The following NFKB1 variants were observed in gnomAD, a reference collection of about 807,000 sequenced individuals.
NFKB1 encodes nuclear factor NF-kappa-B p105 subunit.
Under a neutral mutation model 105.1 loss-of-function variants are expected in NFKB1, and 9 were observed. The ratio of observed to expected loss-of-function variants is 0.09; its 90% CI spans 0.05 to 0.15. The LOEUF is 0.15. Ranked by LOEUF, NFKB1 falls within the 10% of genes least tolerant of loss-of-function variation. The pLI is 1.00. For missense variants in NFKB1, 830 were observed against 1,203.7 expected, an observed-to-expected ratio of 0.69 and a Z score of 4.59; for synonymous variants, 440 against 442.2, an observed-to-expected ratio of 1.00 and a Z score of 0.06.
intron 7 of NFKB1, among the ~76,000 whole-genome samples, chr4:102,577,457 A>G (rs57248236): frequency 0.018 from 2,677 of 152,024 alleles, 39 homozygotes; most frequent in African/African-American, 0.044. Context: ...TCCCCAACTC[A>G]CCTTATTATA....
chr4:102,565,378 C>T (rs953144162), intron 5 of NFKB1, among the ~76,000 whole-genome samples: 10 of 152,176 alleles, frequency 6.6e-5, no homozygotes, highest in Admixed American at 1.3e-4. Flanking sequence ...CCTTTGTTGA[C>T]GAGTGAAACT....
At chr4:102,609,562 A>G (rs1018676644) in intron 19 of NFKB1, among the ~76,000 whole-genome samples, 1 of 140,476 alleles carries the variant, frequency 7.1e-6, no homozygotes, top group Non-Finnish European at 1.5e-5. Flanking sequence ...CAGTGAGCTG[A>G]GACTGCGCCA....
chr4:102,529,707 A>G (rs574997708), intron 2 of NFKB1, 129 bp from the exon 3 acceptor site: 1 of 690,452 alleles, frequency 1.4e-6, no homozygotes, highest in South Asian at 1.8e-5. Context: ...CTGATTTAAA[A>G]TATTTTCAGA....
At chr4:102,533,012 G>A (rs1164577019) in intron 3 of NFKB1, among the ~76,000 whole-genome samples, 1 of 152,146 alleles carries the variant, frequency 6.6e-6, no homozygotes, top group African/African-American at 2.4e-5. Context: ...TATGGATTAA[G>A]CCTCTAGTTT....
At chr4:102,535,812 C>A (rs539566078) in intron 4 of NFKB1, among the ~76,000 whole-genome samples, 8 of 151,854 alleles carry the variant, frequency 5.3e-5, no homozygotes, top group Non-Finnish European at 8.8e-5. Flanking sequence ...TAAACACATA[C>A]GTGTCTATAT....
intron 1 of NFKB1, among the ~76,000 whole-genome samples, chr4:102,514,731 C>T (rs1252784629): frequency 1.3e-5 from 2 of 152,056 alleles, no homozygotes; most frequent in East Asian, 3.9e-4. Flanking sequence ...TCCATTAGTT[C>T]TGCCACGTTT....
Position 102,597,661 on chromosome 4 carries a change from GGTAA to G in NFKB1, c.1637+3_1637+6del. Reference sequence around the variant, plus strand: ...GCTGTGCAGGATGAGAATGGGGACAGGTAAGTCAGAACTTTTGCATGATAGGTTG... The same window carrying G: ...GCTGTGCAGGATGAGAATGGGGACAGGTCAGAACTTTTGCATGATAGGTTG... On this transcript the variant is annotated splice_donor_variant and splice_donor_region_variant and intron_variant, in intron 15 of 23. Transcript: ENST00000226574. LOFTEE classifies it high-confidence loss of function. 1 of 1,609,522 alleles carries G rather than the reference GGTAA, an allele frequency of 6.2e-7. No individual in the cohort carries two copies. Among genetic ancestry groups the G allele is most frequent in the Non-Finnish European group, 8.5e-7 (1 of 1,177,308 alleles).
chr4:102,545,693 C>T (rs1179026473), intron 5 of NFKB1, among the ~76,000 whole-genome samples: 1 of 152,042 alleles, frequency 6.6e-6, no homozygotes, highest in Non-Finnish European at 1.5e-5. Context: ...TCAGAATCGT[C>T]CAAAAATGTT....
chr4:102,608,412 G>C (rs1165995069), intron 19 of NFKB1, among the ~76,000 whole-genome samples: 3 of 152,196 alleles, frequency 2.0e-5, no homozygotes, highest in African/African-American at 7.2e-5. Flanking sequence ...GTAAGTGACA[G>C]AGCTATGAAT....
intron 1 of NFKB1, among the ~76,000 whole-genome samples, chr4:102,518,974 C>T (rs1160387194): frequency 1.3e-5 from 2 of 152,030 alleles, no homozygotes; most frequent in South Asian, 2.1e-4. Context: ...AGAGTATGTC[C>T]GTAGGTCTGC....
chr4:102,565,751 T>C (rs1723813572), intron 5 of NFKB1, among the ~76,000 whole-genome samples: 1 of 152,092 alleles, frequency 6.6e-6, no homozygotes, highest in Admixed American at 6.6e-5. Context: ...TTTTTCTCTC[T>C]GTCTCTCTTT....
Position 102,617,192 on chromosome 4 carries a change from T to C in NFKB1, c.*598T>C, listed in dbSNP as rs1182207468. 2 of 152,510 alleles carry C rather than the reference T, an allele frequency of 1.3e-5. No homozygotes were observed. The highest frequency in any genetic ancestry group is 2.9e-5 in the Non-Finnish European group (2 of 68,014). 9.4% of individuals were successfully genotyped at this position (152,510 alleles called of 1,614,324 possible). A position where few individuals can be genotyped will look rare whatever the true frequency, so the allele number is the denominator to read the frequency against. On this transcript the variant is annotated 3_prime_UTR_variant, in exon 24 of 24. Coordinates refer to ENST00000226574, the MANE Select transcript of NFKB1 (RefSeq NM_003998.4). Reference sequence around the variant, plus strand: ...TTTCCCCCTTTTCTGCATTTTGCTATTGTAAATATGTTTTTTAGATCAAAT... The same window carrying C: ...TTTCCCCCTTTTCTGCATTTTGCTACTGTAAATATGTTTTTTAGATCAAAT...
chr4:102,596,737 C>T (rs1168354015), intron 14 of NFKB1, among the ~76,000 whole-genome samples: 1 of 151,956 alleles, frequency 6.6e-6, no homozygotes, highest in Non-Finnish European at 1.5e-5. Flanking sequence ...TTCTTTTTAT[C>T]TTGTGCCCTC....
chr4:102,527,502 T>A (rs1433229668), intron 2 of NFKB1, among the ~76,000 whole-genome samples: 1 of 152,182 alleles, frequency 6.6e-6, no homozygotes, highest in East Asian at 1.9e-4. Context: ...AAGTGGAATA[T>A]GTTTTAAAGG....
At chr4:102,587,724 T>A (rs1725831283) in intron 11 of NFKB1, among the ~76,000 whole-genome samples, 1 of 152,028 alleles carries the variant, frequency 6.6e-6, no homozygotes, top group Non-Finnish European at 1.5e-5. Flanking sequence ...CCCATTGAGC[T>A]CTGAAGGAAA....
chr4:102,542,655 A>G (rs1010172517), intron 5 of NFKB1, among the ~76,000 whole-genome samples: 1 of 152,198 alleles, frequency 6.6e-6, no homozygotes, highest in Admixed American at 6.5e-5. Context: ...CTACATAAGA[A>G]TGCATCTATA....
chr4:102,549,475 T>C (rs1041330697), intron 5 of NFKB1, among the ~76,000 whole-genome samples: 13 of 149,908 alleles, frequency 8.7e-5, no homozygotes, highest in Admixed American at 2.7e-4. Flanking sequence ...ATATATTGAA[T>C]TTATATATAT....
Position 102,607,140 on chromosome 4 carries a change from T to G in NFKB1, c.1955-10T>G. 1 of 1,614,150 alleles carries G rather than the reference T, an allele frequency of 6.2e-7. No individual in the cohort carries two copies. Among genetic ancestry groups the G allele is most frequent in the Non-Finnish European group, 8.5e-7 (1 of 1,179,984 alleles). On this transcript the variant is annotated splice_polypyrimidine_tract_variant and intron_variant, in intron 17 of 23. Transcript: ENST00000226574. The stretch of plus-strand genomic sequence containing the variant: ...CCCATCCTGTGACTGTCCCTTTGCT[T>G]GGACTCTAGGTCTGAATGCCATTCA...
At chr4:102,511,550 C>G (rs1005013277) in intron 1 of NFKB1, among the ~76,000 whole-genome samples, 3 of 152,000 alleles carry the variant, frequency 2.0e-5, no homozygotes, top group Non-Finnish European at 2.9e-5. Context: ...GTGGCACATG[C>G]CTGTGGTCCC....
Sources: gnomAD v4.1 joint callset for allele counts (sites outside exome capture counted in the v4.1 genomes callset) on GRCh38, gnomAD v4.1.1 for gene constraint, MANE v1.5 for transcripts, NCBI Gene and HGNC (gene_info 2026-07-23, HGNC 2026-07-21) for gene names.